The following ZNF41 variants were observed in gnomAD, a reference collection of about 807,000 sequenced individuals.
ZNF41 encodes the protein zinc finger protein 41.
In ZNF41, 6 loss-of-function variants were observed where a neutral mutation model predicts 9.3. That is an observed-to-expected ratio of 0.65 (90% CI 0.35 to 1.28). The LOEUF (loss-of-function observed/expected upper bound fraction) is 1.28, where lower values mean the gene tolerates loss of function less well. Ranked by LOEUF, ZNF41 falls within the 50% of genes most tolerant of loss-of-function variation. The pLI is 0.03. For synonymous variants in ZNF41, 192 were observed against 207.1 expected (o/e 0.93, Z 0.63); for missense variants, 523 against 585.8 (o/e 0.89, Z 1.11).
intron 2 of ZNF41, among the ~76,000 whole-genome samples, chrX:47,463,570 G>A (rs1287339112): frequency 9.0e-6 from 1 of 111,135 alleles, no homozygotes; most frequent in African/African-American, 3.3e-5. Context: ...GCTGGCCACT[G>A]GTCAATCAGG....
At chrX:47,473,130 C>T (rs1156268717) in intron 1 of ZNF41, among the ~76,000 whole-genome samples, 1 of 109,822 alleles carries the variant, frequency 9.1e-6, no homozygotes, top group African/African-American at 3.3e-5. Flanking sequence ...CTCAAGTAAT[C>T]GTCCTGCCTC....
At chrX:47,452,022 T>C (rs1427962520) in intron 4 of ZNF41, among the ~76,000 whole-genome samples, 1 of 112,092 alleles carries the variant, frequency 8.9e-6, no homozygotes, top group Non-Finnish European at 1.9e-5. Flanking sequence ...TATTAAACTT[T>C]GTCAGTGTAA....
chrX:47,454,596 T>C lies in ZNF41; in HGVS notation c.295+1325A>G, dbSNP rs758856812. On this transcript the variant is annotated intron_variant, in intron 4 of 4. Coordinates refer to ENST00000684689, the MANE Select transcript of ZNF41 (RefSeq NM_001324144.2). ...CTGTAAGGAAACATTTATGTAGAAG[T>C]TGATTGCAGAATTGTTTGTATTAGA... 7.2e-5 allele frequency among the ~76,000 whole-genome samples: 8 copies of C among 111,860 alleles called. No homozygotes were observed. The South Asian group carries it at 2.9e-3, about 41-fold the overall frequency.
intron 1 of ZNF41, among the ~76,000 whole-genome samples, chrX:47,480,356 T>C: frequency 9.0e-6 from 1 of 111,443 alleles, no homozygotes; most frequent in East Asian, 2.8e-4. Context: ...GCTGGAAAAT[T>C]AGCTATCCAA....
chrX:47,474,001 C>G (rs1475501279), intron 1 of ZNF41, among the ~76,000 whole-genome samples: 1 of 112,237 alleles, frequency 8.9e-6, no homozygotes, highest in Non-Finnish European at 1.9e-5. Context: ...GTAATAGCCT[C>G]AGACTGGAAA....
chrX:47,471,555 G>A (rs2147791160), intron 1 of ZNF41, among the ~76,000 whole-genome samples: 1 of 110,967 alleles, frequency 9.0e-6, no homozygotes, highest in South Asian at 3.8e-4. Context: ...TATTTCCATT[G>A]GTTTATTTGT....
intron 2 of ZNF41, among the ~76,000 whole-genome samples, chrX:47,461,368 G>A (rs1437728180): frequency 9.2e-6 from 1 of 108,773 alleles, no homozygotes; most frequent in East Asian, 2.9e-4. Flanking sequence ...AAAGTGCTGG[G>A]ATTACAGGCT....
At position 47,479,236 on chromosome X, in the gene ZNF41, G is replaced by GA. The variant is rs972369863; in HGVS notation, c.-280+3858dup. ...GATGAATGATACAATAAAGCTGTTAGAAAAAAAAAATCATAGCTAGTAAGT... is the reference window on the plus strand; with the variant it reads ...GATGAATGATACAATAAAGCTGTTAGAAAAAAAAAAATCATAGCTAGTAAGT... On this transcript the variant is annotated intron_variant, in intron 1 of 4. Coordinates refer to ENST00000684689, the MANE Select transcript of ZNF41 (RefSeq NM_001324144.2). Among the ~76,000 whole-genome samples the GA allele has an allele frequency of 1.8e-3, 192 of 108,368 alleles. 1 individual carries two copies. The highest frequency in any genetic ancestry group is 5.6e-3 in the African/African-American group (169 of 29,985). 94.1% of individuals were successfully genotyped at this position (108,368 alleles called of 115,157 possible).
intron 2 of ZNF41, among the ~76,000 whole-genome samples, chrX:47,457,017 A>G (rs1309242134): frequency 8.9e-6 from 1 of 112,352 alleles, no homozygotes; most frequent in Non-Finnish European, 1.9e-5. Flanking sequence ...ATATACTAGC[A>G]TCAGAAAAAG....
In ZNF41 at chrX:47,447,921, T is replaced by A. The variant is rs1281357268; in HGVS notation, c.1849A>T (p.Ile617Phe). 1.7e-6 allele frequency: 2 copies of A among 1,210,145 alleles called. No homozygotes were observed. Among genetic ancestry groups the A allele is most frequent in the African/African-American group, 3.5e-5 (2 of 57,213 alleles). Reference sequence around the variant, plus strand: ...TGCGCAATGAAGTGCGATTTCTGGATAAAGGCCTTCCCGCATTCAGGACAA... The same window carrying A: ...TGCGCAATGAAGTGCGATTTCTGGAAAAAGGCCTTCCCGCATTCAGGACAA... ...YVCPECGKAF[I>F]QKSHFIAHHR... The change falls in exon 5 of 5, where the codon ATC becomes TTC. Residue 617 changes from isoleucine (I) to phenylalanine (F), a missense_variant. Ile to Phe is a conservative substitution (Grantham distance 21). Coordinates refer to ENST00000684689, the MANE Select transcript of ZNF41 (RefSeq NM_001324144.2).
chrX:47,455,114 G>A (rs1201193239), intron 4 of ZNF41, among the ~76,000 whole-genome samples: 13 of 109,519 alleles, frequency 1.2e-4, no homozygotes, highest in African/African-American at 3.7e-4. Flanking sequence ...GTGTGGTGGC[G>A]CATGCCTGTA....
intron 4 of ZNF41, among the ~76,000 whole-genome samples, chrX:47,452,635 G>A (rs1374889855): frequency 9.0e-6 from 1 of 111,667 alleles, no homozygotes; most frequent in Admixed American, 9.5e-5. Flanking sequence ...TTTTTTGCTA[G>A]CAAATCCCTC....
At chrX:47,462,912 A>G (rs1374997609) in intron 2 of ZNF41, among the ~76,000 whole-genome samples, 6 of 93,632 alleles carry the variant, frequency 6.4e-5, no homozygotes, top group Admixed American at 1.2e-4. Flanking sequence ...TTTTGTATGT[A>G]TATATATATA....
At chrX:47,463,459 T>A (rs1189020070) in intron 2 of ZNF41, among the ~76,000 whole-genome samples, 3 of 110,967 alleles carry the variant, frequency 2.7e-5, no homozygotes, top group African/African-American at 9.8e-5. Flanking sequence ...TTTCCCAGAC[T>A]CTCCAACTGT....
intron 1 of ZNF41, among the ~76,000 whole-genome samples, chrX:47,480,748 T>C (rs1488111559): frequency 1.9e-5 from 2 of 106,739 alleles, no homozygotes; most frequent in Non-Finnish European, 3.8e-5. Context: ...CCAATAAGAA[T>C]GAAATAATGT....
chrX:47,451,176 T>G (rs1047671588), intron 4 of ZNF41, among the ~76,000 whole-genome samples: 14 of 112,045 alleles, frequency 1.2e-4, no homozygotes, highest in African/African-American at 3.9e-4. Flanking sequence ...TCATCTTCCC[T>G]TTCCAAATAT....
In ZNF41 at chrX:47,448,401, G is replaced by A. The variant is rs2056213010; in HGVS notation, c.1369C>T (p.His457Tyr). 1.7e-6 allele frequency: 2 copies of A among 1,211,667 alleles called. No homozygotes were observed. Among genetic ancestry groups the A allele is most frequent in the Non-Finnish European group, 1.1e-6 (1 of 895,540 alleles). The change falls in exon 5 of 5, where the codon CAT (histidine) becomes TAT (tyrosine). Residue 457 changes from histidine to tyrosine, a missense_variant. Physicochemically the swap from His to Tyr is moderately conservative, Grantham distance 83 (BLOSUM62 2). Transcript: ENST00000684689. ...TTTTCTCCAGTATGAATTCTCTGAT[G>A]TGTGTTGAAATGTGATTTCTGGATG... ...AFIQKSHFNT[H>Y]QRIHTGEKPY...
intron 2 of ZNF41, among the ~76,000 whole-genome samples, chrX:47,466,198 C>A (rs867247782): frequency 1.9e-5 from 2 of 105,129 alleles, no homozygotes; most frequent in African/African-American, 3.5e-5. Flanking sequence ...ATAAAATGAC[C>A]AAAAAAAAAA....
intron 1 of ZNF41, among the ~76,000 whole-genome samples, chrX:47,480,479 G>A (rs187494258): frequency 2.7e-5 from 3 of 110,422 alleles, no homozygotes; most frequent in East Asian, 2.8e-4. Flanking sequence ...AATTTAAGGC[G>A]TATTTGTTTG....
Sources: gnomAD v4.1 joint callset for allele counts (sites outside exome capture counted in the v4.1 genomes callset) on GRCh38, gnomAD v4.1.1 for gene constraint, MANE v1.5 for transcripts, NCBI Gene and HGNC (gene_info 2026-07-23, HGNC 2026-07-21) for gene names.